Variants in TBCK observed in about 807,000 individuals in gnomAD.
The protein encoded by TBCK is TBC domain-containing protein kinase-like protein.
TBCK carries 99 observed loss-of-function variants against 113.4 expected under a neutral mutation model. That is an observed-to-expected ratio of 0.87 (90% confidence interval 0.74 to 1.03). The LOEUF is 1.03. TBCK is among the 50% of genes least tolerant of loss of function. The pLI is 0.00. For synonymous variants in TBCK, 369 were observed against 370.8 expected, an observed-to-expected ratio of 1.00 and a Z score of 0.05; for missense variants, 1,045 against 1,061.3, an observed-to-expected ratio of 0.98 and a Z score of 0.21.
chr4:106,209,562 T>A (rs925743115), intron 20 of TBCK, among the ~76,000 whole-genome samples: 1 of 152,174 alleles, frequency 6.6e-6, no homozygotes, highest in African/African-American at 2.4e-5. Context: ...TATTTTTATG[T>A]GTGGTATGAA....
At chr4:106,064,889 G>A (rs955528617) in intron 25 of TBCK, among the ~76,000 whole-genome samples, 1 of 151,906 alleles carries the variant, frequency 6.6e-6, no homozygotes, top group Admixed American at 6.6e-5. Context: ...GAGGAAAACA[G>A]CACAATAACA....
At chr4:106,282,884 T>C (rs895040181) in intron 3 of TBCK, among the ~76,000 whole-genome samples, 2 of 152,082 alleles carry the variant, frequency 1.3e-5, no homozygotes, top group South Asian at 2.1e-4. Flanking sequence ...TCAGTCACAG[T>C]AATCAAGAAA....
chr4:106,129,161 C>T (rs1040200500), intron 23 of TBCK, among the ~76,000 whole-genome samples: 2 of 152,118 alleles, frequency 1.3e-5, no homozygotes, highest in Admixed American at 1.3e-4. Context: ...ATTTCAATTT[C>T]CAGGATACAT....
At chr4:106,213,287 T>C (rs889685863) in intron 19 of TBCK, 3 of 154,334 alleles carry the variant, frequency 1.9e-5, no homozygotes, top group African/African-American at 7.2e-5. Flanking sequence ...TATATAGGCA[T>C]CTGTTCCAGT....
At chr4:106,093,906 G>A (rs917163468) in intron 25 of TBCK, among the ~76,000 whole-genome samples, 2 of 152,072 alleles carry the variant, frequency 1.3e-5, no homozygotes, top group African/African-American at 4.8e-5. Context: ...CTGTGGACTT[G>A]GGATGATAAT....
At chr4:106,297,093 T>G (rs1766394899) in intron 2 of TBCK, among the ~76,000 whole-genome samples, 1 of 152,284 alleles carries the variant, frequency 6.6e-6, no homozygotes, top group East Asian at 1.9e-4. Context: ...TCTTTACCTC[T>G]TCTACCCAAA....
chr4:106,236,280 T>A lies in TBCK; in HGVS notation c.1350+110A>T, dbSNP rs548148934. ...AAGAAAGCTAACTGAACAAGATAGG[T>A]CATAAAAATTAATCTTCTTATTACT... On this transcript the variant is annotated intron_variant, in intron 14 of 25. Coordinates refer to ENST00000394708, the MANE Select transcript of TBCK (RefSeq NM_001163435.3). 1.1e-5 allele frequency: 8 copies of A among 720,232 alleles called. No individual in the cohort carries two copies. In the African/African-American group the frequency reaches 1.3e-4, roughly 12 times the overall value. 44.6% of individuals were successfully genotyped at this position (720,232 alleles called of 1,614,324 possible).
chr4:106,125,478 A>G (rs111361225), intron 23 of TBCK, among the ~76,000 whole-genome samples: 4,176 of 152,240 alleles, frequency 0.027, 183 homozygotes, highest in African/African-American at 0.096. Context: ...TCCAGCCTGG[A>G]TAACAGATCG....
chr4:106,051,977 T>C (rs114291195), intron 25 of TBCK, among the ~76,000 whole-genome samples: 36 of 152,042 alleles, frequency 2.4e-4, no homozygotes, highest in African/African-American at 8.2e-4. Context: ...CCCTTGATTA[T>C]ATAATTAAAT....
chr4:106,178,395 T>C (rs1445414026), intron 22 of TBCK, among the ~76,000 whole-genome samples: 1 of 152,010 alleles, frequency 6.6e-6, no homozygotes, highest in Non-Finnish European at 1.5e-5. Context: ...CTTTTTCTTC[T>C]AGATTTTACA....
intron 25 of TBCK, among the ~76,000 whole-genome samples, chr4:106,094,193 C>T (rs906176450): frequency 3.9e-5 from 6 of 152,166 alleles, no homozygotes; most frequent in African/African-American, 1.4e-4. Context: ...ACTTCATACA[C>T]ACTCGCTCTA....
intron 19 of TBCK, among the ~76,000 whole-genome samples, chr4:106,217,451 T>C (rs999557818): frequency 6.6e-6 from 1 of 152,172 alleles, no homozygotes. Context: ...GATGACATGA[T>C]TGTATATCTA....
chr4:106,181,370 T>A (rs1169878580), intron 22 of TBCK, among the ~76,000 whole-genome samples: 3 of 152,198 alleles, frequency 2.0e-5, no homozygotes, highest in Non-Finnish European at 4.4e-5. Flanking sequence ...CTCTTTAGTT[T>A]AATTAGATCC....
chr4:106,236,430 T>C lies in TBCK; in HGVS notation c.1310A>G (p.Tyr437Cys), dbSNP rs1182445868. 6.4e-7 allele frequency: 1 copy of C among 1,560,690 alleles called. No individual in the cohort carries two copies. Among genetic ancestry groups the C allele is most frequent in the Non-Finnish European group, 8.7e-7 (1 of 1,152,404 alleles). ...PLIIREKDTE[Y>C]QLNRIILFDR... ...GAAGAGAATAATTCTATTTAGTTGG[T>C]ACTCTGTATCCTTCTCTCTGATGAT... is the stretch of plus-strand genomic sequence containing the variant. Residue 437 changes from tyrosine to cysteine, a missense_variant, in exon 14 of 26, where the codon TAC (tyrosine) becomes TGC (cysteine). Transcript: ENST00000394708.
intron 1 of TBCK, among the ~76,000 whole-genome samples, chr4:106,311,599 G>T (rs2061373822): frequency 6.6e-6 from 1 of 152,058 alleles, no homozygotes; most frequent in Admixed American, 6.6e-5. Context: ...CCAAATTAAA[G>T]TGGGGTAAGG....
At chr4:106,088,690 G>A (rs534864695) in intron 25 of TBCK, among the ~76,000 whole-genome samples, 11 of 151,994 alleles carry the variant, frequency 7.2e-5, no homozygotes, top group South Asian at 2.1e-4. Context: ...ATGATAGACT[G>A]GATAAAGAAA....
chr4:106,155,238 G>A (rs1748990852), intron 23 of TBCK, among the ~76,000 whole-genome samples: 1 of 151,670 alleles, frequency 6.6e-6, no homozygotes, highest in African/African-American at 2.4e-5. Context: ...ACATATAAGA[G>A]TTCCATTGTA....
At chr4:106,124,895 A>C (rs1744964967) in intron 23 of TBCK, among the ~76,000 whole-genome samples, 1 of 151,986 alleles carries the variant, frequency 6.6e-6, no homozygotes. Flanking sequence ...AGATATACCT[A>C]ATGCTAGATG....
At chr4:106,179,615 G>T (rs1012390910) in intron 22 of TBCK, among the ~76,000 whole-genome samples, 4 of 151,946 alleles carry the variant, frequency 2.6e-5, no homozygotes, top group African/African-American at 9.7e-5. Flanking sequence ...AAATAAATTT[G>T]ATATAATTTT....
Sources: gnomAD v4.1 joint callset for allele counts (sites outside exome capture counted in the v4.1 genomes callset) on GRCh38, gnomAD v4.1.1 for gene constraint, MANE v1.5 for transcripts, NCBI Gene and HGNC (gene_info 2026-07-23, HGNC 2026-07-21) for gene names.